Variants in PCLO observed in about 807,000 individuals in gnomAD.
PCLO encodes protein piccolo.
PCLO carries 82 observed loss-of-function variants against 427.5 expected under a neutral mutation model. The observed-to-expected ratio is 0.19, with a 90% CI of 0.16 to 0.23. The LOEUF is 0.23. Ranked by LOEUF, PCLO falls within the 10% of genes least tolerant of loss-of-function variation. The pLI is 1.00. For synonymous variants in PCLO, 2,357 were observed against 2,155.4 expected, an observed-to-expected ratio of 1.09 and a Z score of -2.59; for missense variants, 6,239 against 6,115.9, an observed-to-expected ratio of 1.02 and a Z score of -0.67.
At chr7:83,057,777 A>T (rs1789440195) in intron 3 of PCLO, among the ~76,000 whole-genome samples, 1 of 152,172 alleles carries the variant, frequency 6.6e-6, no homozygotes, top group African/African-American at 2.4e-5. Context: ...TTTAATGGAA[A>T]GAAAATCAAA....
chr7:83,051,592 G>A (rs890624194), intron 3 of PCLO, among the ~76,000 whole-genome samples: 2 of 151,944 alleles, frequency 1.3e-5, no homozygotes, highest in Non-Finnish European at 2.9e-5. Context: ...TCAAATTCAT[G>A]GACAGAAAGA....
chr7:82,994,477 C>G (rs868755354), intron 3 of PCLO, among the ~76,000 whole-genome samples: 1 of 151,818 alleles, frequency 6.6e-6, no homozygotes, highest in East Asian at 1.9e-4. Context: ...GGGCAAAGGG[C>G]CTTGTAAGCT....
At chr7:82,876,494 C>A (rs1452876526) in intron 10 of PCLO, among the ~76,000 whole-genome samples, 6 of 114,312 alleles carry the variant, frequency 5.2e-5, no homozygotes, top group South Asian at 2.5e-4. Flanking sequence ...ACACATACAC[C>A]ACACACACGT....
chr7:82,944,479 T>C (rs374733363), intron 6 of PCLO, among the ~76,000 whole-genome samples: 7 of 152,030 alleles, frequency 4.6e-5, no homozygotes, highest in East Asian at 1.9e-4. Flanking sequence ...AAAACAGATA[T>C]AGTATCTTAG....
intron 22 of PCLO, among the ~76,000 whole-genome samples, chr7:82,780,459 A>G (rs974041211): frequency 1.3e-5 from 2 of 152,184 alleles, no homozygotes; most frequent in African/African-American, 4.8e-5. Flanking sequence ...CTCTCTCCCA[A>G]GATGCCTTCT....
intron 3 of PCLO, among the ~76,000 whole-genome samples, chr7:83,088,881 C>T (rs115532609): frequency 0.019 from 2,947 of 152,132 alleles, 95 homozygotes; most frequent in African/African-American, 0.067. Flanking sequence ...ACACTGCTGA[C>T]GAGATAATCT....
intron 3 of PCLO, among the ~76,000 whole-genome samples, chr7:83,021,587 T>C (rs562252734): frequency 5.3e-5 from 8 of 152,306 alleles, no homozygotes; most frequent in African/African-American, 1.9e-4. Flanking sequence ...TCCTTCCCTC[T>C]TCCTTTCTTC....
At position 82,826,590 on chromosome 7, in the gene PCLO, TC is replaced by T; in HGVS notation, c.14413del (p.Glu4805ArgfsTer3). 6.3e-7 allele frequency: 1 copy of T among 1,596,366 alleles called. No individual in the cohort carries two copies. On this transcript the variant is annotated frameshift_variant and splice_region_variant, in exon 18 of 25. Transcript: ENST00000333891. LOFTEE classifies it high-confidence loss of function. ...DRFSSNDFLGEVLIDLSSTSH... is the reference protein window; with the variant it reads ...DRFSSNDFLGXVLIDLSSTSH... ...AGGGAAAGGAAGTCAGAGGCTTACC[TC>T]CCCAAGGAAGTCGTTGGATGAAAAT...
At chr7:83,008,677 A>G (rs1788006536) in intron 3 of PCLO, among the ~76,000 whole-genome samples, 2 of 151,732 alleles carry the variant, frequency 1.3e-5, no homozygotes, top group Non-Finnish European at 3.0e-5. Flanking sequence ...TTGCAGGGTT[A>G]GGTAGGAAAG....
chr7:82,923,894 T>G (rs1385220153), intron 6 of PCLO, among the ~76,000 whole-genome samples: 8 of 152,066 alleles, frequency 5.3e-5, no homozygotes, highest in Non-Finnish European at 1.2e-4. Context: ...GATTCTATAT[T>G]GTTAGATGTT....
chr7:82,955,707 T>A lies in PCLO; in HGVS notation c.5246A>T (p.Lys1749Ile). Residue 1749 changes from lysine to isoleucine, a missense_variant, in exon 5 of 25, where the codon AAA (lysine) becomes ATA (isoleucine). Lys to Ile is a moderately radical substitution (Grantham distance 102, BLOSUM62 -3). Around this residue, in one of 5 missense-constraint regions of PCLO, gnomAD observed 4,677 missense variants for 4,468.4 expected, o/e 1.05. Transcript: ENST00000333891. ...EDSDSSPSHK[K>I]GESKQQRKAR... Reference sequence around the variant, plus strand: ...TTTGCGTTGCTGTTTGCTCTCTCCTTTTTTGTGACTCGGGCTACTGTCACT... The same window carrying A: ...TTTGCGTTGCTGTTTGCTCTCTCCTATTTTGTGACTCGGGCTACTGTCACT... 6.2e-7 allele frequency: 1 copy of A among 1,613,932 alleles called. No homozygotes were observed.
chr7:83,084,698 T>C (rs1271432430), intron 3 of PCLO, among the ~76,000 whole-genome samples: 2 of 152,200 alleles, frequency 1.3e-5, no homozygotes, highest in Non-Finnish European at 2.9e-5. Context: ...TTTCTTCCTC[T>C]CTGTCTCTCA....
At chr7:82,988,783 CA>C (rs1796309787) in intron 3 of PCLO, among the ~76,000 whole-genome samples, 2 of 151,360 alleles carry the variant, frequency 1.3e-5, no homozygotes, top group African/African-American at 4.8e-5. Flanking sequence ...CTTTTCAGAA[CA>C]TTTACTTCTC....
At chr7:82,838,881 A>C (rs1272090949) in intron 14 of PCLO, among the ~76,000 whole-genome samples, 12 of 152,138 alleles carry the variant, frequency 7.9e-5, no homozygotes, top group African/African-American at 2.9e-4. Flanking sequence ...TTAAACCTAT[A>C]GATACCTTTC....
chr7:82,979,609 G>A (rs927127848), intron 3 of PCLO, among the ~76,000 whole-genome samples: 1 of 152,100 alleles, frequency 6.6e-6, no homozygotes, highest in African/African-American at 2.4e-5. Flanking sequence ...CTGGCATTTT[G>A]TTTCTATCAG....
At chr7:83,017,342 C>T (rs1788232887) in intron 3 of PCLO, among the ~76,000 whole-genome samples, 1 of 151,576 alleles carries the variant, frequency 6.6e-6, no homozygotes, top group Admixed American at 6.6e-5. Context: ...TTTTTGAAAA[C>T]TTTACCAGGG....
intron 6 of PCLO, among the ~76,000 whole-genome samples, chr7:82,924,750 C>T (rs1794674315): frequency 6.6e-6 from 1 of 151,910 alleles, no homozygotes; most frequent in African/African-American, 2.4e-5. Context: ...AGATCAGGTG[C>T]ATAGCTAAGC....
At chr7:83,103,425 G>GATC (rs768691569) in intron 3 of PCLO, among the ~76,000 whole-genome samples, 6 of 151,786 alleles carry the variant, frequency 4.0e-5, no homozygotes, top group Non-Finnish European at 7.4e-5. Flanking sequence ...GACCTTCAGG[G>GATC]ATCATCTCCT....
At chr7:82,759,732 A>AT (rs919280755) in intron 24 of PCLO, among the ~76,000 whole-genome samples, 1 of 151,432 alleles carries the variant, frequency 6.6e-6, no homozygotes, top group South Asian at 2.1e-4. Context: ...CTCTTCCTAT[A>AT]TTTTTTTCTC....
Sources: allele counts gnomAD v4.1 joint callset (sites outside exome capture counted in the v4.1 genomes callset), GRCh38; gene constraint gnomAD v4.1.1; regional missense constraint gnomAD v4.1.1; transcripts MANE v1.5; gene names NCBI Gene and HGNC (gene_info 2026-07-23, HGNC 2026-07-21).